Variants in ST6GALNAC3 observed in about 807,000 individuals in gnomAD.
The protein encoded by ST6GALNAC3 is alpha-N-acetylgalactosaminide alpha-2,6-sialyltransferase 3.
In ST6GALNAC3, 25 loss-of-function variants were observed where a neutral mutation model predicts 32.7. That is an observed-to-expected ratio of 0.76 (90% CI 0.56 to 1.07). The LOEUF (loss-of-function observed/expected upper bound fraction) is 1.07. Among genes scored for constraint, ST6GALNAC3 ranks in the 50% least tolerant of loss-of-function variants. The pLI is 0.00. For synonymous variants in ST6GALNAC3, 129 were observed against 133.1 expected (o/e 0.97, Z 0.21); for missense variants, 355 against 382.4 (o/e 0.93, Z 0.60).
At chr1:76,194,169 G>T (rs1361186893) in intron 1 of ST6GALNAC3, among the ~76,000 whole-genome samples, 1 of 152,136 alleles carries the variant, frequency 6.6e-6, no homozygotes, top group Non-Finnish European at 1.5e-5. Context: ...CTGGGGCAAG[G>T]TTGTAGGTCT....
intron 1 of ST6GALNAC3, among the ~76,000 whole-genome samples, chr1:76,267,336 C>T (rs575490650): frequency 6.6e-6 from 1 of 152,196 alleles, no homozygotes; most frequent in Non-Finnish European, 1.5e-5. Flanking sequence ...TCCTCTGTCA[C>T]CTCCCTTCCC....
At chr1:76,157,066 A>AGC (rs35515372) in intron 1 of ST6GALNAC3, among the ~76,000 whole-genome samples, 24,309 of 152,090 alleles carry the variant, frequency 0.16, 2,058 homozygotes, top group Non-Finnish European at 0.19. Context: ...TGGTATTAGA[A>AGC]TAGGGTCTGG....
chr1:76,622,304 C>T (rs372756470), intron 3 of ST6GALNAC3, among the ~76,000 whole-genome samples: 1 of 152,024 alleles, frequency 6.6e-6, no homozygotes, highest in African/African-American at 2.4e-5. Context: ...AAGACTTGCC[C>T]TTTGGGTCTA....
intron 2 of ST6GALNAC3, among the ~76,000 whole-genome samples, chr1:76,387,073 A>G (rs1204407812): frequency 6.6e-6 from 1 of 152,140 alleles, no homozygotes; most frequent in Non-Finnish European, 1.5e-5. Flanking sequence ...AGATTATCTC[A>G]AAGTTCCCAA....
chr1:76,512,591 C>G (rs1034354803), intron 3 of ST6GALNAC3, among the ~76,000 whole-genome samples: 15 of 152,234 alleles, frequency 9.9e-5, no homozygotes, highest in African/African-American at 3.6e-4. Context: ...AGCTTCTCTT[C>G]TAGATATTTG....
At chr1:76,229,311 C>T (rs994482521) in intron 1 of ST6GALNAC3, among the ~76,000 whole-genome samples, 3 of 152,066 alleles carry the variant, frequency 2.0e-5, no homozygotes, top group Admixed American at 2.0e-4. Context: ...ATTTTGTGTC[C>T]CCATTTTTAA....
intron 1 of ST6GALNAC3, among the ~76,000 whole-genome samples, chr1:76,123,127 T>C (rs914868370): frequency 6.6e-6 from 1 of 152,164 alleles, no homozygotes; most frequent in Non-Finnish European, 1.5e-5. Flanking sequence ...ATCCCAGCAC[T>C]TTGGAAGGCC....
chr1:76,546,913 T>C (rs1664333382), intron 3 of ST6GALNAC3, among the ~76,000 whole-genome samples: 2 of 152,076 alleles, frequency 1.3e-5, no homozygotes, highest in South Asian at 4.2e-4. Context: ...AGAATAGCAA[T>C]AAGAGTGAAT....
In ST6GALNAC3 at chr1:76,326,826, GTT is replaced by G. The variant is rs11331532; in HGVS notation, c.213+12843_213+12844del. Among the ~76,000 whole-genome samples the G allele has an allele frequency of 3.2e-3, 363 of 113,402 alleles. 2 individuals are homozygous for G. The highest frequency in any genetic ancestry group is 8.8e-3 in the African/African-American group (261 of 29,528). The allele number at this position is 113,402 out of a possible 152,430, so 74.4% of individuals were successfully genotyped here. A position where few individuals can be genotyped will look rare whatever the true frequency, so the allele number is the denominator to read the frequency against. On this transcript the variant is annotated intron_variant, in intron 2 of 4. Coordinates refer to ENST00000328299, the MANE Select transcript of ST6GALNAC3 (RefSeq NM_152996.4). ...TCTAATTAAGTTCTGGAAGTTTTGG[GTT>G]TTTTTTTTTTTTTTTGCATTGTTTA... is the stretch of plus-strand genomic sequence containing the variant.
chr1:76,344,654 A>G (rs1410452497), intron 2 of ST6GALNAC3, among the ~76,000 whole-genome samples: 1 of 152,134 alleles, frequency 6.6e-6, no homozygotes, highest in African/African-American at 2.4e-5. Flanking sequence ...CTGGAGAGGG[A>G]GATATGGAAT....
intron 2 of ST6GALNAC3, among the ~76,000 whole-genome samples, chr1:76,337,955 C>T (rs968407496): frequency 7.9e-5 from 12 of 152,148 alleles, no homozygotes; most frequent in Admixed American, 3.3e-4. Flanking sequence ...GTCACACAGG[C>T]GCTCCAGGGC....
chr1:76,620,344 C>T (rs1365570138), intron 3 of ST6GALNAC3, among the ~76,000 whole-genome samples: 3 of 152,000 alleles, frequency 2.0e-5, no homozygotes, highest in Admixed American at 1.3e-4. Flanking sequence ...AAAAGAAGTC[C>T]TGGAAAAAGC....
At chr1:76,572,660 A>G (rs985728458) in intron 3 of ST6GALNAC3, among the ~76,000 whole-genome samples, 1 of 152,140 alleles carries the variant, frequency 6.6e-6, no homozygotes, top group Non-Finnish European at 1.5e-5. Flanking sequence ...TTTGTTTTTA[A>G]GGCAATGCTG....
At chr1:76,240,675 C>T (rs776212060) in intron 1 of ST6GALNAC3, among the ~76,000 whole-genome samples, 23 of 152,214 alleles carry the variant, frequency 1.5e-4, no homozygotes, top group Non-Finnish European at 2.4e-4. Flanking sequence ...AGCTGAGTCC[C>T]TGAATGACTG....
At chr1:76,438,253 G>A (rs935665985) in intron 3 of ST6GALNAC3, among the ~76,000 whole-genome samples, 1 of 151,730 alleles carries the variant, frequency 6.6e-6, no homozygotes, top group Non-Finnish European at 1.5e-5. Context: ...CCGGGTTCGC[G>A]CCATTCTCCT....
chr1:76,179,207 G>A (rs935124883), intron 1 of ST6GALNAC3, among the ~76,000 whole-genome samples: 1 of 152,304 alleles, frequency 6.6e-6, no homozygotes, highest in East Asian at 1.9e-4. Context: ...TCAATACTTG[G>A]TGTACCTTTG....
intron 3 of ST6GALNAC3, among the ~76,000 whole-genome samples, chr1:76,541,371 T>C (rs1663979964): frequency 1.3e-5 from 2 of 152,242 alleles, no homozygotes; most frequent in Middle Eastern, 3.4e-3. Context: ...CATGTTTCCA[T>C]GCTGTTTCTT....
intron 2 of ST6GALNAC3, among the ~76,000 whole-genome samples, chr1:76,344,868 G>A (rs116092554): frequency 0.017 from 2,613 of 152,240 alleles, 83 homozygotes; most frequent in African/African-American, 0.06. Context: ...GTAGGAGAAG[G>A]TGATGTCTAA....
chr1:76,138,607 A>G (rs957202351), intron 1 of ST6GALNAC3, among the ~76,000 whole-genome samples: 1 of 152,220 alleles, frequency 6.6e-6, no homozygotes, highest in African/African-American at 2.4e-5. Context: ...CAGCCTTCCA[A>G]ATAGAATGTC....
Sources: allele counts gnomAD v4.1 joint callset (sites outside exome capture counted in the v4.1 genomes callset), GRCh38; gene constraint gnomAD v4.1.1; transcripts MANE v1.5; gene names NCBI Gene and HGNC (gene_info 2026-07-23, HGNC 2026-07-21).